Variants in GMDS observed in about 807,000 individuals in gnomAD.
GMDS encodes GDP-mannose 4,6-dehydratase, also known as GDP-mannose 4,6 dehydratase.
In GMDS, 20 loss-of-function variants were observed where a neutral mutation model predicts 49.9. That is an observed-to-expected ratio of 0.40 (90% confidence interval 0.28 to 0.58). The LOEUF (loss-of-function observed/expected upper bound fraction) is 0.58, where lower values mean the gene tolerates loss of function less well. Ranked by LOEUF, GMDS falls within the 20% of genes least tolerant of loss-of-function variation. The pLI is 0.42. For missense variants in GMDS, 362 were observed against 481.4 expected (o/e 0.75, Z 2.32); for synonymous variants, 177 against 178.6 (o/e 0.99, Z 0.07).
intron 7 of GMDS, among the ~76,000 whole-genome samples, chr6:1,885,432 C>A (rs1405588648): frequency 6.6e-6 from 1 of 152,150 alleles, no homozygotes; most frequent in African/African-American, 2.4e-5. Flanking sequence ...TTAATCTGAA[C>A]TTTATTTCAC....
intron 1 of GMDS, among the ~76,000 whole-genome samples, chr6:2,134,077 C>T (rs982639106): frequency 2.6e-5 from 4 of 152,144 alleles, no homozygotes; most frequent in African/African-American, 7.2e-5. Context: ...TATTAAAAGT[C>T]CCAAAGTCTG....
At chr6:1,853,190 A>C (rs1271654488) in intron 7 of GMDS, among the ~76,000 whole-genome samples, 1 of 152,080 alleles carries the variant, frequency 6.6e-6, no homozygotes, top group Non-Finnish European at 1.5e-5. Flanking sequence ...CACAAGACAC[A>C]AAACACTGCC....
intron 9 of GMDS, among the ~76,000 whole-genome samples, chr6:1,661,091 C>T (rs1034817834): frequency 7.9e-5 from 12 of 152,082 alleles, no homozygotes; most frequent in Admixed American, 6.6e-5. Flanking sequence ...GTGATTACAA[C>T]GAACACCATT....
chr6:2,167,776 C>T (rs1347925897), intron 1 of GMDS, among the ~76,000 whole-genome samples: 1 of 152,096 alleles, frequency 6.6e-6, no homozygotes, highest in Non-Finnish European at 1.5e-5. Context: ...TCCTTGCTCC[C>T]ATCACAAGTT....
At chr6:2,009,549 C>T (rs1308935983) in intron 4 of GMDS, among the ~76,000 whole-genome samples, 2 of 152,296 alleles carry the variant, frequency 1.3e-5, no homozygotes, top group African/African-American at 4.8e-5. Flanking sequence ...AGGAGGGTCT[C>T]TTTCACAAAT....
chr6:1,655,059 C>CA (rs66508419), intron 9 of GMDS, among the ~76,000 whole-genome samples: 1,492 of 117,222 alleles, frequency 0.013, 17 homozygotes, highest in African/African-American at 0.036. Context: ...GATACCGTCT[C>CA]AAAAAAAAAA....
chr6:2,038,746 A>C (rs982196050), intron 4 of GMDS, among the ~76,000 whole-genome samples: 1 of 152,214 alleles, frequency 6.6e-6, no homozygotes, highest in Non-Finnish European at 1.5e-5. Context: ...TATTAACAAA[A>C]TGAAATTTGA....
intron 7 of GMDS, among the ~76,000 whole-genome samples, chr6:1,831,661 G>GT (rs1201030372): frequency 6.6e-6 from 1 of 152,114 alleles, no homozygotes; most frequent in Admixed American, 6.6e-5. Flanking sequence ...ACCTTTTTAG[G>GT]TTTTTTATAA....
intron 1 of GMDS, among the ~76,000 whole-genome samples, chr6:2,230,812 T>G (rs1781053512): frequency 2.0e-5 from 3 of 152,004 alleles, no homozygotes; most frequent in African/African-American, 7.2e-5. Flanking sequence ...TATATTTAAA[T>G]GTAGAAAAGC....
At position 1,990,615 on chromosome 6, in the gene GMDS, C is replaced by T. The variant is rs1436458542; in HGVS notation, c.346-29649G>A. ...TTTGTTGAGACAGGGTCTCTTGTCA[C>T]CTAGGCTCCAGTGCAGTGACACAAC... On this transcript the variant is annotated intron_variant, in intron 4 of 10. Coordinates refer to ENST00000380815, the MANE Select transcript of GMDS (RefSeq NM_001500.4). Among the ~76,000 whole-genome samples the T allele has an allele frequency of 2.0e-5, 3 of 152,118 alleles. No homozygotes were observed. In the East Asian group the frequency reaches 5.8e-4, roughly 29 times the overall value.
chr6:1,944,848 T>C (rs1024010722), intron 6 of GMDS, among the ~76,000 whole-genome samples: 5 of 152,186 alleles, frequency 3.3e-5, no homozygotes, highest in African/African-American at 1.2e-4. Flanking sequence ...AATGATGCAA[T>C]CATGTCTCCT....
chr6:2,230,818 A>G (rs1781053878), intron 1 of GMDS, among the ~76,000 whole-genome samples: 4 of 152,066 alleles, frequency 2.6e-5, no homozygotes, highest in African/African-American at 7.2e-5. Flanking sequence ...TAAATGTAGA[A>G]AAGCAAAACT....
chr6:2,126,989 T>C (rs745599532), intron 1 of GMDS, among the ~76,000 whole-genome samples: 2 of 152,224 alleles, frequency 1.3e-5, no homozygotes, highest in Non-Finnish European at 2.9e-5. Context: ...AGTTTATAGA[T>C]TCATGTGCAG....
At chr6:2,105,766 GT>G (rs897237174) in intron 4 of GMDS, among the ~76,000 whole-genome samples, 9 of 152,126 alleles carry the variant, frequency 5.9e-5, no homozygotes, top group Admixed American at 5.2e-4. Context: ...TCAGGAACAG[GT>G]TTTTTTACCC....
At chr6:1,677,072 C>T (rs942276866) in intron 9 of GMDS, among the ~76,000 whole-genome samples, 1 of 152,174 alleles carries the variant, frequency 6.6e-6, no homozygotes, top group African/African-American at 2.4e-5. Context: ...AGAACTTAAA[C>T]AAATTTACAA....
chr6:1,740,069 A>G (rs1422099126), intron 8 of GMDS, among the ~76,000 whole-genome samples: 1 of 152,212 alleles, frequency 6.6e-6, no homozygotes, highest in African/African-American at 2.4e-5. Context: ...CAGAGAACAT[A>G]AACAAAAGTG....
intron 4 of GMDS, among the ~76,000 whole-genome samples, chr6:2,062,670 T>C (rs540720073): frequency 1.3e-5 from 2 of 152,362 alleles, no homozygotes; most frequent in African/African-American, 4.8e-5. Context: ...ATAGCCATTT[T>C]CTTTGTTGAT....
At chr6:1,647,451 G>A (rs1268476545) in intron 9 of GMDS, among the ~76,000 whole-genome samples, 2 of 152,194 alleles carry the variant, frequency 1.3e-5, no homozygotes, top group Non-Finnish European at 2.9e-5. Context: ...TCTGGAAGCT[G>A]ATACCTGGGA....
chr6:1,838,732 A>C (rs1331244498), intron 7 of GMDS, among the ~76,000 whole-genome samples: 1 of 152,214 alleles, frequency 6.6e-6, no homozygotes, highest in Non-Finnish European at 1.5e-5. Flanking sequence ...TTTATGAGTC[A>C]TTCTTTGGAA....
Sources: allele counts gnomAD v4.1 joint callset (sites outside exome capture counted in the v4.1 genomes callset), GRCh38; gene constraint gnomAD v4.1.1; transcripts MANE v1.5; gene names NCBI Gene and HGNC (gene_info 2026-07-23, HGNC 2026-07-21).